Variants in ASCC3 observed in about 807,000 individuals in gnomAD.
The protein encoded by ASCC3 is ASC-1 complex subunit P200.
In ASCC3, 158 loss-of-function variants were observed where a neutral mutation model predicts 256.3. That is an observed-to-expected ratio of 0.62 (90% CI 0.54 to 0.70). ASCC3 has a LOEUF of 0.70. Ranked by LOEUF, ASCC3 falls within the 30% of genes least tolerant of loss-of-function variation. The probability of loss-of-function intolerance (pLI) is 0.00; values close to 1 mark genes in which losing one functional copy is unlikely to be tolerated. For missense variants in ASCC3, 2,259 were observed against 2,626.0 expected (o/e 0.86, Z 3.05); for synonymous variants, 948 against 883.4 (o/e 1.07, Z -1.30).
intron 34 of ASCC3, among the ~76,000 whole-genome samples, chr6:100,599,464 T>G (rs1198967173): frequency 1.3e-5 from 2 of 152,082 alleles, no homozygotes; most frequent in African/African-American, 4.8e-5. Flanking sequence ...GGTACTTAAC[T>G]GGATCTTGGA....
intron 8 of ASCC3, among the ~76,000 whole-genome samples, chr6:100,768,603 A>T (rs1036638319): frequency 4.6e-5 from 7 of 152,190 alleles, no homozygotes; most frequent in African/African-American, 1.7e-4. Context: ...AAGACATGCA[A>T]AGGGAAATAG....
intron 8 of ASCC3, among the ~76,000 whole-genome samples, chr6:100,774,790 T>A (rs1470358295): frequency 8.5e-5 from 13 of 152,124 alleles, no homozygotes; most frequent in Admixed American, 8.5e-4. Context: ...AGTTGTGAGC[T>A]ACCACACCTG....
chr6:100,661,064 T>G (rs1437465907), intron 16 of ASCC3, among the ~76,000 whole-genome samples: 1 of 151,712 alleles, frequency 6.6e-6, no homozygotes, highest in East Asian at 1.9e-4. Flanking sequence ...ATTACAAATA[T>G]TTCAAAGTAT....
chr6:100,639,285 T>G (rs2114884976), intron 24 of ASCC3, among the ~76,000 whole-genome samples: 1 of 152,260 alleles, frequency 6.6e-6, no homozygotes, highest in African/African-American at 2.4e-5. Flanking sequence ...GTAAAATGAA[T>G]TTAGGGTAAT....
chr6:100,630,658 C>A (rs1471819571), intron 26 of ASCC3, among the ~76,000 whole-genome samples: 2 of 151,652 alleles, frequency 1.3e-5, no homozygotes, highest in Non-Finnish European at 2.9e-5. Flanking sequence ...AATAATACTG[C>A]AATGAATAAC....
chr6:100,562,503 TG>T (rs1472558551), intron 36 of ASCC3, among the ~76,000 whole-genome samples: 2 of 152,134 alleles, frequency 1.3e-5, no homozygotes, highest in Non-Finnish European at 2.9e-5. Flanking sequence ...AGTGATCTAT[TG>T]TTTGACAAAC....
intron 38 of ASCC3, among the ~76,000 whole-genome samples, chr6:100,516,856 G>GTT (rs1322475509): frequency 1.9e-4 from 29 of 152,060 alleles, no homozygotes; most frequent in African/African-American, 6.5e-4. Flanking sequence ...CATTAATACA[G>GTT]CACTCTTAAG....
chr6:100,666,494 T>C (rs928657438), intron 14 of ASCC3, among the ~76,000 whole-genome samples: 14 of 152,280 alleles, frequency 9.2e-5, no homozygotes, highest in African/African-American at 3.1e-4. Flanking sequence ...ATACATTATA[T>C]AATTATTATT....
At chr6:100,636,952 G>A (rs954268238) in intron 25 of ASCC3, among the ~76,000 whole-genome samples, 1 of 152,218 alleles carries the variant, frequency 6.6e-6, no homozygotes, top group Non-Finnish European at 1.5e-5. Flanking sequence ...AGGTGAAGCA[G>A]AAAGTGCTGA....
At chr6:100,854,395 A>G (rs1772838152) in intron 3 of ASCC3, among the ~76,000 whole-genome samples, 1 of 152,202 alleles carries the variant, frequency 6.6e-6, no homozygotes, top group South Asian at 2.1e-4. Context: ...AATACCTTGC[A>G]TTAAACAGGG....
rs146195698 is a variant in ASCC3, at chr6:100,798,691, C to T, written c.1395+22G>A. The T allele has an allele frequency of 7.6e-5, 123 of 1,611,052 alleles. 1 individual carries two copies. The African/African-American group carries it at 1.4e-3, about 19-fold the overall frequency. Reference sequence around the variant, plus strand: ...GCATACCAAGCCTCAAAACTATCAACTCTATAAAAGGCTCATCTCACCTCA... The same window carrying T: ...GCATACCAAGCCTCAAAACTATCAATTCTATAAAAGGCTCATCTCACCTCA... On this transcript the variant is annotated intron_variant, in intron 8 of 41. Transcript: ENST00000369162.
intron 20 of ASCC3, 145 bp downstream of exon 20, chr6:100,650,393 A>C: frequency 1.2e-6 from 1 of 813,580 alleles, no homozygotes; most frequent in South Asian, 1.7e-5. Flanking sequence ...TAAAATATTT[A>C]CAAATTAGCA....
At chr6:100,675,175 C>G (rs878943518) in intron 14 of ASCC3, among the ~76,000 whole-genome samples, 1 of 145,388 alleles carries the variant, frequency 6.9e-6, no homozygotes, top group Admixed American at 7.0e-5. Flanking sequence ...TTAAAAAATA[C>G]TAATACACTT....
At chr6:100,728,104 G>A (rs1488143952) in intron 10 of ASCC3, among the ~76,000 whole-genome samples, 1 of 151,928 alleles carries the variant, frequency 6.6e-6, no homozygotes, top group East Asian at 1.9e-4. Flanking sequence ...AAACATTAAG[G>A]TGCACATATA....
At chr6:100,659,814 C>A (rs1393084777) in intron 16 of ASCC3, among the ~76,000 whole-genome samples, 1 of 151,418 alleles carries the variant, frequency 6.6e-6, no homozygotes, top group Non-Finnish European at 1.5e-5. Context: ...TGCATTCATG[C>A]GTTTTAAGAT....
At chr6:100,869,003 A>C (rs1773613518) in intron 1 of ASCC3, among the ~76,000 whole-genome samples, 1 of 152,204 alleles carries the variant, frequency 6.6e-6, no homozygotes, top group African/African-American at 2.4e-5. Flanking sequence ...ATTATAACAC[A>C]ACTACTATCT....
chr6:100,570,705 C>T (rs1770544448), intron 36 of ASCC3, among the ~76,000 whole-genome samples: 1 of 152,066 alleles, frequency 6.6e-6, no homozygotes, highest in African/African-American at 2.4e-5. Context: ...GAAAAGAATC[C>T]ATATGCCTGT....
chr6:100,655,610 G>A (rs1775876634), intron 17 of ASCC3, 89 bp downstream of exon 17: 2 of 1,458,556 alleles, frequency 1.4e-6, no homozygotes, highest in Admixed American at 3.4e-5. Context: ...TTCAGATGAG[G>A]CAAGAGCAGC....
At position 100,647,311 on chromosome 6, in the gene ASCC3, T is replaced by C. The variant is rs747630771; in HGVS notation, c.3393A>G (p.Ser1131=). 1 of 1,614,082 alleles carries C rather than the reference T, an allele frequency of 6.2e-7. No homozygotes were observed. The highest frequency in any genetic ancestry group is 8.5e-7 in the Non-Finnish European group (1 of 1,179,966). Residue 1131 remains serine (S), a synonymous_variant, in exon 21 of 42, where the codon TCA becomes TCG. Transcript: ENST00000369162. ...WGWASPLRQF[S]ILPPHILTRL... ...TTGTTAGGATGTGTGGTGGTAGGAT[T>C]GAAAATTGTCTCAAAGGGCTAGCCC...
Sources: gnomAD v4.1 joint callset for allele counts (sites outside exome capture counted in the v4.1 genomes callset) on GRCh38, gnomAD v4.1.1 for gene constraint, MANE v1.5 for transcripts, NCBI Gene and HGNC (gene_info 2026-07-23, HGNC 2026-07-21) for gene names.